GPC5: variants seen among roughly 807,000 people sequenced by gnomAD.
The protein encoded by GPC5 is glypican-5.
In GPC5, 47 loss-of-function variants were observed where a neutral mutation model predicts 53.9. The observed-to-expected ratio is 0.87, with a 90% CI of 0.69 to 1.11. GPC5 has a LOEUF of 1.11. Ranked by LOEUF, GPC5 falls within the 50% of genes most tolerant of loss-of-function variation. GPC5 has a pLI of 0.00. For missense variants in GPC5, 748 were observed against 713.1 expected, an observed-to-expected ratio of 1.05 and a Z score of -0.56; for synonymous variants, 286 against 263.3, an observed-to-expected ratio of 1.09 and a Z score of -0.84.
intron 3 of GPC5, among the ~76,000 whole-genome samples, chr13:91,724,326 C>A (rs1452731444): frequency 6.6e-6 from 1 of 152,098 alleles, no homozygotes. Flanking sequence ...TAACACCAAG[C>A]ATCCCAGATG....
intron 7 of GPC5, among the ~76,000 whole-genome samples, chr13:92,803,511 A>G (rs1292153682): frequency 6.6e-6 from 1 of 151,862 alleles, no homozygotes. Flanking sequence ...TATGACATCT[A>G]CTTCTCATAC....
At chr13:92,033,448 C>T (rs565537073) in intron 6 of GPC5, among the ~76,000 whole-genome samples, 6 of 152,264 alleles carry the variant, frequency 3.9e-5, no homozygotes, top group African/African-American at 9.6e-5. Context: ...AATTTACCAC[C>T]GTCTTCTGTG....
chr13:91,528,564 G>A (rs1886192931), intron 2 of GPC5, among the ~76,000 whole-genome samples: 1 of 152,144 alleles, frequency 6.6e-6, no homozygotes, highest in Non-Finnish European at 1.5e-5. Flanking sequence ...CTTCTTTTGA[G>A]CCCTCAAACT....
intron 6 of GPC5, among the ~76,000 whole-genome samples, chr13:92,098,737 TA>T (rs2041441356): frequency 6.6e-6 from 1 of 152,168 alleles, no homozygotes; most frequent in Admixed American, 6.5e-5. Flanking sequence ...GAGTCCAACG[TA>T]ATCACAAGGG....
chr13:92,572,752 A>G (rs1421177799), intron 7 of GPC5, among the ~76,000 whole-genome samples: 1 of 152,164 alleles, frequency 6.6e-6, no homozygotes, highest in Non-Finnish European at 1.5e-5. Context: ...GTCTAGCTTC[A>G]TGATTTATTA....
At chr13:91,935,323 T>C (rs1232688958) in intron 6 of GPC5, among the ~76,000 whole-genome samples, 1 of 151,974 alleles carries the variant, frequency 6.6e-6, no homozygotes, top group Non-Finnish European at 1.5e-5. Context: ...GCAATGTTAT[T>C]AAGAAGTGGG....
At chr13:91,638,685 T>C (rs1381272756) in intron 2 of GPC5, among the ~76,000 whole-genome samples, 3 of 152,190 alleles carry the variant, frequency 2.0e-5, no homozygotes, top group African/African-American at 7.2e-5. Flanking sequence ...CATTTCCAAA[T>C]ATATTAGTTA....
intron 7 of GPC5, among the ~76,000 whole-genome samples, chr13:92,539,341 T>C (rs962501314): frequency 6.6e-6 from 1 of 152,086 alleles, no homozygotes; most frequent in Non-Finnish European, 1.5e-5. Context: ...TGTTGTTTCC[T>C]GACTTTTTAA....
intron 2 of GPC5, among the ~76,000 whole-genome samples, chr13:91,546,952 A>G (rs886301772): frequency 6.6e-6 from 1 of 152,046 alleles, no homozygotes; most frequent in Non-Finnish European, 1.5e-5. Flanking sequence ...AAGAATGGTG[A>G]GAAGGGAAAG....
intron 7 of GPC5, among the ~76,000 whole-genome samples, chr13:92,808,046 A>G (rs1877163629): frequency 6.6e-6 from 1 of 152,110 alleles, no homozygotes; most frequent in African/African-American, 2.4e-5. Flanking sequence ...TGTGTCACTT[A>G]TTAGTTGGCA....
chr13:91,987,267 A>G (rs939629253), intron 6 of GPC5, among the ~76,000 whole-genome samples: 2 of 152,230 alleles, frequency 1.3e-5, no homozygotes, highest in Admixed American at 6.5e-5. Flanking sequence ...GGAGGCCTGC[A>G]CATGCTTCTT....
intron 2 of GPC5, among the ~76,000 whole-genome samples, chr13:91,495,786 GC>G (rs1280276358): frequency 1.3e-5 from 2 of 152,212 alleles, no homozygotes; most frequent in African/African-American, 2.4e-5. Flanking sequence ...ACTTTGGGAG[GC>G]CGAGGCGGGT....
At chr13:91,413,144 A>G (rs1233487183) in intron 1 of GPC5, among the ~76,000 whole-genome samples, 2 of 152,160 alleles carry the variant, frequency 1.3e-5, no homozygotes. Flanking sequence ...AACCAGGTGT[A>G]GTGTTGTACA....
chr13:91,745,200 G>A (rs1375167734), intron 4 of GPC5, among the ~76,000 whole-genome samples: 1 of 152,028 alleles, frequency 6.6e-6, no homozygotes, highest in Non-Finnish European at 1.5e-5. Context: ...ACCCAGTTTT[G>A]ATAACAGGTT....
chr13:92,126,898 G>A (rs2041702555), intron 6 of GPC5, among the ~76,000 whole-genome samples: 1 of 152,032 alleles, frequency 6.6e-6, no homozygotes, highest in Non-Finnish European at 1.5e-5. Context: ...GTACAATATA[G>A]AAGAGGAGGC....
intron 5 of GPC5, among the ~76,000 whole-genome samples, chr13:91,781,099 A>T (rs2037791228): frequency 6.6e-6 from 1 of 152,184 alleles, no homozygotes. Flanking sequence ...GTGGCCTACA[A>T]GCTGAGGTGC....
intron 2 of GPC5, among the ~76,000 whole-genome samples, chr13:91,539,200 T>C (rs1260488525): frequency 6.6e-6 from 1 of 151,994 alleles, no homozygotes; most frequent in Non-Finnish European, 1.5e-5. Context: ...GTTGAAAAGC[T>C]TTTTTTTAAA....
At chr13:91,399,941 G>T (rs1216198867) in intron 1 of GPC5, among the ~76,000 whole-genome samples, 3 of 152,208 alleles carry the variant, frequency 2.0e-5, no homozygotes, top group African/African-American at 7.2e-5. Context: ...GATACAGTTT[G>T]TGTGGCCAGC....
chr13:91,997,517 T>TTTTG (rs10690281), intron 6 of GPC5, among the ~76,000 whole-genome samples: 5,416 of 152,096 alleles, frequency 0.036, 266 homozygotes, highest in African/African-American at 0.11. Flanking sequence ...TCCTCTTGGT[T>TTTTG]TTTGTTTGTT....
Sources: allele counts gnomAD v4.1 joint callset (sites outside exome capture counted in the v4.1 genomes callset), GRCh38; gene constraint gnomAD v4.1.1; transcripts MANE v1.5; gene names NCBI Gene and HGNC (gene_info 2026-07-23, HGNC 2026-07-21).